The following ADRA1B variants were observed in gnomAD, a reference collection of about 807,000 sequenced individuals.
ADRA1B encodes adrenoceptor alpha 1B, also known as alpha-1B adrenergic receptor.
A neutral mutation model predicts 17.9 loss-of-function variants in ADRA1B; 17 were observed. The ratio of observed to expected loss-of-function variants is 0.95; its 90% CI spans 0.65 to 1.42. ADRA1B has a LOEUF of 1.42. ADRA1B is among the 40% of genes most tolerant of loss of function. The pLI, the probability that ADRA1B is intolerant of heterozygous loss-of-function variation, is 0.00. For missense variants in ADRA1B, 681 were observed against 722.1 expected (o/e 0.94, Z 0.65); for synonymous variants, 366 against 327.6 (o/e 1.12, Z -1.27).
intron 1 of ADRA1B, among the ~76,000 whole-genome samples, chr5:159,953,096 C>A (rs894113867): frequency 6.6e-6 from 1 of 152,186 alleles, no homozygotes; most frequent in Non-Finnish European, 1.5e-5. Context: ...TGTGGTGGCT[C>A]ACATCTGTAA....
chr5:159,971,694 T>A (rs1272198960), intron 1 of ADRA1B, among the ~76,000 whole-genome samples, 185 bp from the exon 2 acceptor site: 1 of 152,076 alleles, frequency 6.6e-6, no homozygotes, highest in African/African-American at 2.4e-5. Context: ...TAAAAATGAA[T>A]GTAGGATTCA....
In ADRA1B at chr5:159,917,791, T is replaced by G; in HGVS notation, c.886T>G (p.Leu296Val). The change falls in exon 1 of 2, where the codon TTG (leucine) becomes GTG (valine). Residue 296 changes from leucine (L) to valine (V), a missense_variant. Physicochemically the swap from Leu to Val is conservative, Grantham distance 32. Around this residue, in one of 3 missense-constraint regions of ADRA1B, gnomAD observed 424 missense variants for 480.2 expected, o/e 0.88. Coordinates refer to ENST00000306675, the MANE Select transcript of ADRA1B (RefSeq NM_000679.4). ...FSREKKAAKT[L>V]GIVVGMFILC... ...CAGGGAAAAGAAAGCAGCTAAGACG[T>G]TGGGCATTGTGGTCGGTATGTTCAT... 6.2e-7 allele frequency: 1 copy of G among 1,613,682 alleles called. No individual in the cohort carries two copies.
chr5:159,905,298 C>A (rs1172443125), intron 1 of ADRA1B, among the ~76,000 whole-genome samples: 3 of 152,162 alleles, frequency 2.0e-5, no homozygotes, highest in Non-Finnish European at 4.4e-5. Context: ...TCCAACAAAG[C>A]AAGCCTCCTC....
chr5:159,951,326 G>T, intron 1 of ADRA1B: 1 of 1,328,510 alleles, frequency 7.5e-7, no homozygotes, highest in Non-Finnish European at 1.1e-6. Context: ...CCTTGACAGT[G>T]CCATGGAATT....
At chr5:159,901,975 T>C (rs1406162617) in intron 1 of ADRA1B, among the ~76,000 whole-genome samples, 2 of 152,322 alleles carry the variant, frequency 1.3e-5, no homozygotes, top group East Asian at 3.9e-4. Context: ...AACTACCATA[T>C]GATGCAATAA....
At chr5:159,922,702 C>A (rs551903474) in intron 1 of ADRA1B, among the ~76,000 whole-genome samples, 3 of 150,450 alleles carry the variant, frequency 2.0e-5, no homozygotes, top group South Asian at 2.2e-4. Context: ...GTGGGAGGGA[C>A]CTTGCCCTTC....
At chr5:159,866,476 ACT>A (rs1250049729) in intron 1 of ADRA1B, among the ~76,000 whole-genome samples, 1 of 151,020 alleles carries the variant, frequency 6.6e-6, no homozygotes, top group Non-Finnish European at 1.5e-5. Flanking sequence ...AATCCTAGCT[ACT>A]CTGGAGGCTG....
intron 1 of ADRA1B, among the ~76,000 whole-genome samples, chr5:159,886,986 T>C (rs1753932145): frequency 6.6e-6 from 1 of 152,146 alleles, no homozygotes; most frequent in African/African-American, 2.4e-5. Flanking sequence ...ACTTCAAAGA[T>C]GATGATGATG....
chr5:159,919,960 C>G (rs1470805544), intron 1 of ADRA1B, among the ~76,000 whole-genome samples: 1 of 152,212 alleles, frequency 6.6e-6, no homozygotes, highest in Non-Finnish European at 1.5e-5. Flanking sequence ...TGCTTTGCTT[C>G]TCTAGGCTTC....
At chr5:159,892,860 T>C (rs1754001106) in intron 1 of ADRA1B, among the ~76,000 whole-genome samples, 1 of 152,200 alleles carries the variant, frequency 6.6e-6, no homozygotes, top group African/African-American at 2.4e-5. Flanking sequence ...AGTAATGGGA[T>C]TGTTGGGTCA....
intron 1 of ADRA1B, among the ~76,000 whole-genome samples, chr5:159,906,325 A>G (rs1754160573): frequency 6.6e-6 from 1 of 152,208 alleles, no homozygotes; most frequent in Admixed American, 6.5e-5. Flanking sequence ...AACCCTCTCT[A>G]TGAGACATTC....
Position 159,972,198 on chromosome 5 carries a change from G to C in ADRA1B, c.1269G>C (p.Ser423=). ...CLSGSQRTLP[S]ASPSPGYLGR... ...GCGGCAGCCAGCGGACCCTGCCCTC[G>C]GCCTCGCCGAGCCCGGGCTACCTGG... Residue 423 remains serine (S), a synonymous_variant, in exon 2 of 2, where the codon TCG becomes TCC. Transcript: ENST00000306675. The C allele has an allele frequency of 1.5e-6, 2 of 1,363,474 alleles. No individual in the cohort carries two copies. Among genetic ancestry groups the C allele is most frequent in the Non-Finnish European group, 1.9e-6 (2 of 1,052,944 alleles). The allele number at this position is 1,363,474 out of a possible 1,614,324, so 84.5% of individuals were successfully genotyped here. A position where few individuals can be genotyped will look rare whatever the true frequency, so the allele number is the denominator to read the frequency against.
At chr5:159,943,081 G>A (rs138963599) in intron 1 of ADRA1B, among the ~76,000 whole-genome samples, 8 of 152,056 alleles carry the variant, frequency 5.3e-5, no homozygotes, top group African/African-American at 7.2e-5. Context: ...GCATGGTGGC[G>A]TGCACTTGTA....
At chr5:159,883,133 C>T (rs1422503913) in intron 1 of ADRA1B, among the ~76,000 whole-genome samples, 4 of 152,180 alleles carry the variant, frequency 2.6e-5, no homozygotes, top group Non-Finnish European at 4.4e-5. Context: ...AGCAAGCTCT[C>T]TATCTCACAA....
At chr5:159,870,635 G>A (rs1355530490) in intron 1 of ADRA1B, 1 of 152,212 alleles carries the variant, frequency 6.6e-6, no homozygotes, top group Non-Finnish European at 1.5e-5. Context: ...TAGAAATTCA[G>A]CACCAATCCG....
intron 1 of ADRA1B, among the ~76,000 whole-genome samples, chr5:159,923,864 A>T (rs1016602319): frequency 6.6e-6 from 1 of 152,266 alleles, no homozygotes; most frequent in Non-Finnish European, 1.5e-5. Flanking sequence ...CCAGCACCAC[A>T]CAAGTCCTCC....
rs1451076325 is a variant in ADRA1B, at chr5:159,916,641, C to A, written c.-265C>A. The A allele has an allele frequency of 1.4e-5, 4 of 279,810 alleles. No individual in the cohort carries two copies. Among genetic ancestry groups the A allele is most frequent in the East Asian group, 6.5e-5 (1 of 15,482 alleles). The allele number at this position is 279,810 out of a possible 1,614,324, so 17.3% of individuals were successfully genotyped here. ...CCGCTCCCCCGCGAGCCCGGCCAGG[C>A]GCGCCTGACGTGGACCATTAAACTT... On this transcript the variant is annotated 5_prime_UTR_variant, in exon 1 of 2. Coordinates refer to ENST00000306675, the MANE Select transcript of ADRA1B (RefSeq NM_000679.4).
chr5:159,889,689 G>A (rs561657644), intron 1 of ADRA1B, among the ~76,000 whole-genome samples: 1 of 152,278 alleles, frequency 6.6e-6, no homozygotes, highest in African/African-American at 2.4e-5. Flanking sequence ...AGGTTCCAAC[G>A]GCTGTGGCAT....
intron 1 of ADRA1B, among the ~76,000 whole-genome samples, chr5:159,886,510 AG>A (rs1275422190): frequency 6.6e-6 from 1 of 152,180 alleles, no homozygotes; most frequent in Non-Finnish European, 1.5e-5. Context: ...TGATTCAGTG[AG>A]TCTCCCAAGC....
Sources: gnomAD v4.1 joint callset for allele counts (sites outside exome capture counted in the v4.1 genomes callset) on GRCh38, gnomAD v4.1.1 for gene constraint, gnomAD v4.1.1 regional missense constraint, MANE v1.5 for transcripts, NCBI Gene and HGNC (gene_info 2026-07-23, HGNC 2026-07-21) for gene names.